The following ACTR3C variants were observed in gnomAD, a reference collection of about 807,000 sequenced individuals.
The protein encoded by ACTR3C is actin-related protein 3C.
In ACTR3C, 18 loss-of-function variants were observed where a neutral mutation model predicts 26.3. The ratio of observed to expected loss-of-function variants is 0.68; its 90% CI spans 0.47 to 1.01. The LOEUF (loss-of-function observed/expected upper bound fraction) is 1.01, where lower values mean the gene tolerates loss of function less well. Among genes scored for constraint, ACTR3C ranks in the 50% least tolerant of loss-of-function variants. ACTR3C has a pLI of 0.00. For synonymous variants in ACTR3C, 55 were observed against 94.5 expected, an observed-to-expected ratio of 0.58 and a Z score of 2.42; for missense variants, 184 against 250.7, an observed-to-expected ratio of 0.73 and a Z score of 1.80.
chr7:149,901,097 G>C, the ACTR3C span, among the ~76,000 whole-genome samples: 73,180 of 152,036 alleles, frequency 0.48, 19,598 homozygotes, highest in South Asian at 0.77. Flanking sequence ...GTATGATGTA[G>C]CACCGTCAGT....
the ACTR3C span, among the ~76,000 whole-genome samples, chr7:150,198,011 C>T: frequency 6.6e-6 from 1 of 151,296 alleles, no homozygotes; most frequent in Non-Finnish European, 1.5e-5. Context: ...TGCGCCGCCA[C>T]GCCTGACTGG....
chr7:150,003,577 T>C, the ACTR3C span, among the ~76,000 whole-genome samples: 1 of 152,138 alleles, frequency 6.6e-6, no homozygotes, highest in Non-Finnish European at 1.5e-5. Flanking sequence ...TTGTGTGTGG[T>C]ACATGTGGTA....
the ACTR3C span, among the ~76,000 whole-genome samples, chr7:150,209,304 CAGAAACAGAGAGAGAGAGAGAG>C: frequency 7.5e-6 from 1 of 134,186 alleles, no homozygotes; most frequent in Non-Finnish European, 1.5e-5. Flanking sequence ...GAGAGAGAGA[CAGAAACAGAGAGAGAGAGAGAG>C]AGAGAGAAGT....
intron 6 of ACTR3C, among the ~76,000 whole-genome samples, chr7:150,256,309 G>A (rs556851283): frequency 3.2e-4 from 49 of 152,328 alleles, no homozygotes; most frequent in African/African-American, 1.0e-3. Flanking sequence ...CTGCTGGGCC[G>A]AATGGTAGTT....
chr7:150,013,645 A>T, the ACTR3C span, among the ~76,000 whole-genome samples: 2 of 152,160 alleles, frequency 1.3e-5, no homozygotes, highest in African/African-American at 4.8e-5. Context: ...AAAACATGAG[A>T]TCCCTGTTCT....
At chr7:150,203,006 A>G in the ACTR3C span, among the ~76,000 whole-genome samples, 9 of 152,386 alleles carry the variant, frequency 5.9e-5, no homozygotes, top group African/African-American at 2.2e-4. Context: ...AAAGGCTTCT[A>G]CTGATTTGTC....
chr7:150,220,028 G>T, the ACTR3C span, among the ~76,000 whole-genome samples: 2 of 146,986 alleles, frequency 1.4e-5, no homozygotes, highest in African/African-American at 5.5e-5. Flanking sequence ...GCAGAGCCCT[G>T]CTGCTGGCCG....
the ACTR3C span, among the ~76,000 whole-genome samples, chr7:150,026,941 T>G: frequency 6.6e-6 from 1 of 152,112 alleles, no homozygotes; most frequent in Non-Finnish European, 1.5e-5. Flanking sequence ...AACTATCTTC[T>G]GAGAAATAAA....
chr7:150,278,633 G>A (rs187174069), intron 6 of ACTR3C, among the ~76,000 whole-genome samples: 263 of 152,340 alleles, frequency 1.7e-3, no homozygotes, highest in African/African-American at 5.6e-3. Flanking sequence ...GGCCTCCCAC[G>A]GCAACAGGTG....
At chr7:150,131,010 G>A in the ACTR3C span, among the ~76,000 whole-genome samples, 16 of 152,178 alleles carry the variant, frequency 1.1e-4, no homozygotes, top group African/African-American at 2.9e-4. Context: ...AAAAGATAGA[G>A]GGAAGCTGTT....
At chr7:149,945,889 T>G in the ACTR3C span, among the ~76,000 whole-genome samples, 70 of 152,218 alleles carry the variant, frequency 4.6e-4, no homozygotes, top group Non-Finnish European at 8.1e-4. Context: ...CTGGACCCAT[T>G]GCAGACAAGA....
chr7:150,108,985 G>T, the ACTR3C span, among the ~76,000 whole-genome samples: 3 of 151,670 alleles, frequency 2.0e-5, no homozygotes, highest in African/African-American at 7.3e-5. Context: ...CTGTCTAATG[G>T]ACGGTGAATT....
the ACTR3C span, among the ~76,000 whole-genome samples, chr7:149,980,850 T>A: frequency 1.3e-5 from 2 of 152,220 alleles, no homozygotes; most frequent in Admixed American, 6.5e-5. Context: ...AAACACATAT[T>A]TGATTTTACA....
the ACTR3C span, among the ~76,000 whole-genome samples, chr7:150,118,164 C>T: frequency 5.9e-5 from 9 of 152,026 alleles, no homozygotes; most frequent in East Asian, 1.9e-4. Flanking sequence ...TTCCAAAAAC[C>T]GGAATTCCTC....
chr7:150,131,931 G>A, the ACTR3C span, among the ~76,000 whole-genome samples: 3 of 152,282 alleles, frequency 2.0e-5, no homozygotes, highest in Admixed American at 6.5e-5. Context: ...AAAACATCAC[G>A]CTGTGTGAAA....
At chr7:150,240,817 G>A (rs1394115114), downstream of ACTR3C, among the ~76,000 whole-genome samples, 1 of 151,994 alleles carries the variant, frequency 6.6e-6, no homozygotes, top group African/African-American at 2.4e-5. Context: ...AAAACACTAC[G>A]GGGTTTACAA....
At chr7:150,131,045 C>T in the ACTR3C span, among the ~76,000 whole-genome samples, 1 of 152,186 alleles carries the variant, frequency 6.6e-6, no homozygotes, top group Non-Finnish European at 1.5e-5. Flanking sequence ...TGTTTTGTAT[C>T]ATAATCGTGC....
chr7:150,270,894 A>C (rs2530948), intron 6 of ACTR3C, among the ~76,000 whole-genome samples: 1 of 151,762 alleles, frequency 6.6e-6, no homozygotes, highest in African/African-American at 2.4e-5. Context: ...CATTTCTCAC[A>C]GGTCATCTTT....
chr7:150,273,902 C>G (rs1834647279), intron 6 of ACTR3C, among the ~76,000 whole-genome samples: 1 of 152,220 alleles, frequency 6.6e-6, no homozygotes, highest in Non-Finnish European at 1.5e-5. Flanking sequence ...GCGCAAAGCC[C>G]CCAGGCCCCA....
Sources: allele counts gnomAD v4.1 joint callset (sites outside exome capture counted in the v4.1 genomes callset), GRCh38; gene constraint gnomAD v4.1.1; transcripts MANE v1.5; gene names NCBI Gene and HGNC (gene_info 2026-07-23, HGNC 2026-07-21).